TM4SF1: variants seen among roughly 807,000 people sequenced by gnomAD.
The protein encoded by TM4SF1 is transmembrane 4 L6 family member 1.
In TM4SF1, 20 loss-of-function variants were observed where a neutral mutation model predicts 24.5. The ratio of observed to expected loss-of-function variants is 0.82; its 90% CI spans 0.57 to 1.19. The LOEUF is 1.19. TM4SF1 is among the 50% of genes most tolerant of loss of function. TM4SF1 has a pLI of 0.00. For missense variants in TM4SF1, 258 were observed against 248.1 expected (o/e 1.04, Z -0.27); for synonymous variants, 107 against 95.4 (o/e 1.12, Z -0.71).
At position 149,369,685 on chromosome 3, in the gene TM4SF1, A is replaced by T; in HGVS notation, c.*181T>A. 1.5e-6 allele frequency: 1 copy of T among 687,360 alleles called. No individual in the cohort carries two copies. Among genetic ancestry groups the T allele is most frequent in the African/African-American group, 1.9e-5 (1 of 53,006 alleles). 42.6% of individuals were successfully genotyped at this position (687,360 alleles called of 1,614,324 possible). A position where few individuals can be genotyped will look rare whatever the true frequency, so the allele number is the denominator to read the frequency against. Reference sequence around the variant, plus strand: ...ACAAAAACAAATAAACAAACAAAAAAGAAGTTTACTAAATTTAAACACTGA... The same window carrying T: ...ACAAAAACAAATAAACAAACAAAAATGAAGTTTACTAAATTTAAACACTGA... On this transcript the variant is annotated 3_prime_UTR_variant, in exon 5 of 5. Transcript: ENST00000305366.
At position 149,371,689 on chromosome 3, in the gene TM4SF1, G is replaced by A; in HGVS notation, c.592C>T (p.Gln198Ter). 6.2e-7 allele frequency: 1 copy of A among 1,614,054 alleles called. No individual in the cohort carries two copies. Among genetic ancestry groups the A allele is most frequent in the Non-Finnish European group, 8.5e-7 (1 of 1,179,902 alleles). Reference protein sequence around the residue: ...GICGFCCSHQQQYDC With the variant: ...GICGFCCSHQ Reference sequence around the variant, plus strand: ...GACATTTTCATGCAGGTTCTTACCTGTTGGTGAGAGCAGCAAAAGCCACAT... The same window carrying A: ...GACATTTTCATGCAGGTTCTTACCTATTGGTGAGAGCAGCAAAAGCCACAT... Residue 198 changes from glutamine (Q) to a stop codon, truncating the protein, a stop_gained and splice_region_variant, in exon 4 of 5, where the codon CAG becomes TAG. Coordinates refer to ENST00000305366, the MANE Select transcript of TM4SF1 (RefSeq NM_014220.3). LOFTEE classifies it high-confidence loss of function.
chr3:149,371,396 G>A (rs1731816749), intron 4 of TM4SF1: 10 of 558,952 alleles, frequency 1.8e-5, no homozygotes, highest in Non-Finnish European at 2.8e-5. Flanking sequence ...TCTCTGCAGC[G>A]AGAGCAGAGG....
At chr3:149,375,635 C>T in intron 2 of TM4SF1, 45 bp downstream of exon 2, 1 of 1,614,126 alleles carries the variant, frequency 6.2e-7, no homozygotes, top group South Asian at 1.1e-5. Context: ...AGTGCCACAG[C>T]TACATCTTAG....
intron 3 of TM4SF1, among the ~76,000 whole-genome samples, chr3:149,372,508 A>C (rs1324025468): frequency 1.3e-5 from 2 of 152,116 alleles, no homozygotes; most frequent in Non-Finnish European, 2.9e-5. Flanking sequence ...TTGGATATTT[A>C]ATATGCTGGA....
At chr3:149,374,504 C>G (rs1731902322) in intron 3 of TM4SF1, among the ~76,000 whole-genome samples, 1 of 152,166 alleles carries the variant, frequency 6.6e-6, no homozygotes, top group African/African-American at 2.4e-5. Context: ...AACATGTCAT[C>G]CATTCATCAC....
intron 3 of TM4SF1, among the ~76,000 whole-genome samples, chr3:149,374,036 A>G (rs1731893879): frequency 6.6e-6 from 1 of 152,240 alleles, no homozygotes; most frequent in Non-Finnish European, 1.5e-5. Flanking sequence ...TTCTGTAAGT[A>G]TCAATTTTCC....
chr3:149,373,990 T>C (rs1731892909), intron 3 of TM4SF1, among the ~76,000 whole-genome samples: 1 of 152,238 alleles, frequency 6.6e-6, no homozygotes, highest in South Asian at 2.1e-4. Flanking sequence ...AGCTGAGTCA[T>C]GATTGATCAC....
intron 3 of TM4SF1, among the ~76,000 whole-genome samples, chr3:149,373,066 G>C (rs763869232): frequency 6.6e-6 from 1 of 152,178 alleles, no homozygotes; most frequent in Non-Finnish European, 1.5e-5. Flanking sequence ...ACCTAGTCCA[G>C]GGAGAACAGC....
chr3:149,373,150 G>A (rs984009535), intron 3 of TM4SF1, among the ~76,000 whole-genome samples: 1 of 152,194 alleles, frequency 6.6e-6, no homozygotes, highest in Non-Finnish European at 1.5e-5. Flanking sequence ...TGTATATCCA[G>A]CCGCTAGAAC....
intron 3 of TM4SF1, among the ~76,000 whole-genome samples, chr3:149,372,935 C>T (rs1186093605): frequency 2.0e-5 from 3 of 152,138 alleles, no homozygotes; most frequent in Admixed American, 6.5e-5. Context: ...GCACAGGGCA[C>T]GGGCTCTGTC....
chr3:149,370,094 G>C (rs1731784583), intron 4 of TM4SF1: 1 of 485,358 alleles, frequency 2.1e-6, no homozygotes, highest in Non-Finnish European at 3.5e-6. Flanking sequence ...GCTGCAGAAA[G>C]GGCCCATAGA....
In TM4SF1 at chr3:149,373,367, C is replaced by G. The variant is rs561846275; in HGVS notation, c.414-1500G>C. Among the ~76,000 whole-genome samples the G allele has an allele frequency of 5.9e-5, 9 of 152,290 alleles. No homozygotes were observed. The South Asian group carries it at 1.9e-3, about 32-fold the overall frequency. ...CTGATAGCTCTCCTAGAATTTCAGC[C>G]TTTGCTACAGAGTATTTGGATTCTT... On this transcript the variant is annotated intron_variant, in intron 3 of 4. Coordinates refer to ENST00000305366, the MANE Select transcript of TM4SF1 (RefSeq NM_014220.3).
At chr3:149,373,865 T>C (rs998071285) in intron 3 of TM4SF1, among the ~76,000 whole-genome samples, 6 of 152,228 alleles carry the variant, frequency 3.9e-5, no homozygotes, top group African/African-American at 1.4e-4. Context: ...TCTCCCTGCA[T>C]TCTGGTTGCA....
chr3:149,373,197 A>C (rs1432772892), intron 3 of TM4SF1, among the ~76,000 whole-genome samples: 1 of 152,212 alleles, frequency 6.6e-6, no homozygotes, highest in East Asian at 1.9e-4. Context: ...GCACATTTTA[A>C]AAGCAGTTGA....
intron 1 of TM4SF1, 107 bp downstream of exon 1, chr3:149,377,264 A>T: frequency 1.4e-6 from 2 of 1,397,340 alleles, no homozygotes; most frequent in Middle Eastern, 1.9e-4. Context: ...GCAACAAAAA[A>T]GTCACTTGAT....
intron 4 of TM4SF1, chr3:149,371,351 C>A: frequency 2.0e-6 from 1 of 501,874 alleles, no homozygotes; most frequent in Non-Finnish European, 3.5e-6. Context: ...GGGAATATAA[C>A]AGCAAACAAA....
Position 149,375,688 on chromosome 3 carries a change from G to T in TM4SF1, c.259C>A (p.Arg87=), listed in dbSNP as rs768672228. ...AGGGCAGGAGGACCTACCGCACATC[G>T]TTTGCCACAGTTTTCATGGCCACAG... ...GCCGHENCGK[R]CAMLSSVLAA... is the part of the protein sequence containing the mutation. The change falls in exon 2 of 5, where the codon CGA becomes AGA. Residue 87 remains arginine, a synonymous_variant. Coordinates refer to ENST00000305366, the MANE Select transcript of TM4SF1 (RefSeq NM_014220.3). The T allele has an allele frequency of 6.2e-7, 1 of 1,614,062 alleles. No individual in the cohort carries two copies.
chr3:149,376,178 T>C (rs972425738), intron 1 of TM4SF1, among the ~76,000 whole-genome samples: 2 of 152,250 alleles, frequency 1.3e-5, no homozygotes, highest in Non-Finnish European at 2.9e-5. Context: ...GAAACTTTTT[T>C]GTAAATGGGA....
chr3:149,370,831 A>G (rs1731804610), intron 4 of TM4SF1: 1 of 152,202 alleles, frequency 6.6e-6, no homozygotes, highest in African/African-American at 2.4e-5. Context: ...TTTAAAAGAA[A>G]GTTAACAGAT....
Sources: allele counts gnomAD v4.1 joint callset (sites outside exome capture counted in the v4.1 genomes callset), GRCh38; gene constraint gnomAD v4.1.1; transcripts MANE v1.5; gene names NCBI Gene and HGNC (gene_info 2026-07-23, HGNC 2026-07-21).